The following MAPK10 variants were observed in gnomAD, a reference collection of about 807,000 sequenced individuals.
MAPK10 encodes the protein JNK3 alpha protein kinase.
A neutral mutation model predicts 59.3 loss-of-function variants in MAPK10; 25 were observed. The observed-to-expected ratio is 0.42, with a 90% CI of 0.31 to 0.59. MAPK10 has a LOEUF of 0.59. Ranked by LOEUF, MAPK10 falls within the 20% of genes least tolerant of loss-of-function variation. The probability of loss-of-function intolerance (pLI) is 0.15; values close to 1 mark genes in which losing one functional copy is unlikely to be tolerated. For synonymous variants in MAPK10, 190 were observed against 200.5 expected, an observed-to-expected ratio of 0.95 and a Z score of 0.44; for missense variants, 351 against 568.9, an observed-to-expected ratio of 0.62 and a Z score of 3.90.
chr4:86,142,187 C>T (rs1179010581), intron 4 of MAPK10, among the ~76,000 whole-genome samples: 1 of 152,188 alleles, frequency 6.6e-6, no homozygotes, highest in Non-Finnish European at 1.5e-5. Flanking sequence ...CAAATTTCAA[C>T]ATGAGTTTTG....
intron 9 of MAPK10, among the ~76,000 whole-genome samples, chr4:86,085,299 G>A (rs2051544857): frequency 6.6e-6 from 1 of 152,048 alleles, no homozygotes; most frequent in South Asian, 2.1e-4. Context: ...AATCAACAAA[G>A]TGAAGAGACA....
intron 4 of MAPK10, among the ~76,000 whole-genome samples, chr4:86,158,213 T>C (rs984901114): frequency 6.6e-6 from 1 of 151,832 alleles, no homozygotes; most frequent in East Asian, 1.9e-4. Context: ...TTATCACAAC[T>C]GCAAGGAATT....
chr4:86,437,015 A>G (rs894280312), intron 1 of MAPK10, among the ~76,000 whole-genome samples: 3 of 152,070 alleles, frequency 2.0e-5, no homozygotes, highest in Admixed American at 2.0e-4. Flanking sequence ...GATCGAGACC[A>G]TCCTGGCTAA....
chr4:86,576,616 T>C (rs1761912926), intron 1 of MAPK10, among the ~76,000 whole-genome samples: 1 of 149,100 alleles, frequency 6.7e-6, no homozygotes, highest in Non-Finnish European at 1.5e-5. Context: ...CTACTAAAAA[T>C]ACAAAAAATT....
rs1744146797 is a variant in MAPK10 at position 86,017,868 on chromosome 4, G to A, written c.1253-498C>T. 6.6e-6 allele frequency among the ~76,000 whole-genome samples: 1 copy of A among 152,030 alleles called. No individual in the cohort carries two copies. Among genetic ancestry groups the A allele is most frequent in the Non-Finnish European group, 1.5e-5 (1 of 67,994 alleles). ...CTCCCGAGTAGCTGGGAGTACAGGT[G>A]CGCACCACCACACCCAGCTAATTTT... On this transcript the variant is annotated intron_variant, in intron 13 of 13. Transcript: ENST00000641462. The surrounding 1 kb of genome is among the most constrained non-coding windows in gnomAD (Gnocchi z 4.4).
chr4:86,192,571 G>A (rs887345627), intron 3 of MAPK10: 1 of 151,738 alleles, frequency 6.6e-6, no homozygotes, highest in Non-Finnish European at 1.5e-5. Flanking sequence ...TTTGGCTATT[G>A]ATACTTGTGT....
chr4:86,360,865 T>TA (rs887143026), upstream of MAPK10, among the ~76,000 whole-genome samples: 20 of 151,716 alleles, frequency 1.3e-4, 1 homozygote, highest in South Asian at 2.3e-3. Context: ...ACTTGCACTA[T>TA]AAAAAAAAAT....
chr4:86,394,712 G>A (rs79663076), intron 1 of MAPK10, among the ~76,000 whole-genome samples: 1,547 of 152,262 alleles, frequency 0.01, 30 homozygotes, highest in African/African-American at 0.035. Flanking sequence ...ATTTTAGCAT[G>A]CTTTCTATCT....
chr4:86,149,998 G>T (rs746111923), intron 4 of MAPK10, among the ~76,000 whole-genome samples: 11 of 151,806 alleles, frequency 7.2e-5, no homozygotes, highest in South Asian at 6.2e-4. Context: ...TTACAGAAAA[G>T]TAAAAAAAAA....
At chr4:86,517,335 G>A (rs1478037990) in intron 1 of MAPK10, among the ~76,000 whole-genome samples, 1 of 144,444 alleles carries the variant, frequency 6.9e-6, no homozygotes. Context: ...GAGTGCAGTG[G>A]TGCAATCTCG....
chr4:86,426,714 C>T (rs1747328976), intron 1 of MAPK10, among the ~76,000 whole-genome samples: 2 of 152,130 alleles, frequency 1.3e-5, no homozygotes, highest in Non-Finnish European at 1.5e-5. Flanking sequence ...TCTGTTCCTA[C>T]GTCCTGGAAT....
In MAPK10 at chr4:86,294,713, T is replaced by A. The variant is rs543072921; in HGVS notation, c.-7+59817A>T. On this transcript the variant is annotated intron_variant, in intron 2 of 13. Coordinates refer to ENST00000641462, the MANE Select transcript of MAPK10 (RefSeq NM_138982.4). ...AGCCTAACAAAGCTCAGTGGTCTCA[T>A]GGCTTCAGCAAGGTGAGGAGAGGAG... is the stretch of plus-strand genomic sequence containing the variant. Among the ~76,000 whole-genome samples, 6 of 152,254 alleles carry A rather than the reference T, an allele frequency of 3.9e-5. No homozygotes were observed. In the East Asian group the frequency reaches 1.2e-3, roughly 29 times the overall value.
intron 1 of MAPK10, among the ~76,000 whole-genome samples, chr4:86,571,327 C>CGTGTGTGTGTGTGTGT (rs34133535): frequency 7.2e-6 from 1 of 139,646 alleles, no homozygotes; most frequent in Non-Finnish European, 1.6e-5. Flanking sequence ...TATATATATA[C>CGTGTGTGTGTGTGTGT]GTGTGTGTGT....
chr4:86,124,494 G>A (rs2059763829), intron 4 of MAPK10: 1 of 151,556 alleles, frequency 6.6e-6, no homozygotes, highest in Non-Finnish European at 1.5e-5. Flanking sequence ...AATTTACTTG[G>A]AAATGTTTAA....
chr4:86,289,256 G>T (rs1484320411), intron 2 of MAPK10, among the ~76,000 whole-genome samples: 1 of 152,156 alleles, frequency 6.6e-6, no homozygotes, highest in African/African-American at 2.4e-5. Flanking sequence ...TTGAGATGAG[G>T]CAGAAAAGGT....
At chr4:86,576,667 T>C (rs764228245) in intron 1 of MAPK10, among the ~76,000 whole-genome samples, 10 of 151,240 alleles carry the variant, frequency 6.6e-5, no homozygotes, top group African/African-American at 9.7e-5. Flanking sequence ...CCAGCTAACT[T>C]GGGAGGCTGA....
intron 2 of MAPK10, chr4:86,327,375 G>C (rs2096051077): frequency 6.6e-6 from 1 of 151,478 alleles, no homozygotes; most frequent in Non-Finnish European, 1.5e-5. Flanking sequence ...TTTTAGCACA[G>C]ATTATCTCAC....
intron 4 of MAPK10, among the ~76,000 whole-genome samples, chr4:86,128,079 G>C (rs947945735): frequency 6.6e-6 from 1 of 151,886 alleles, no homozygotes; most frequent in African/African-American, 2.4e-5. Flanking sequence ...AAAAACCATG[G>C]GTTTCTAAGT....
chr4:86,221,541 C>T (rs181489797), intron 2 of MAPK10, among the ~76,000 whole-genome samples: 5 of 151,962 alleles, frequency 3.3e-5, no homozygotes, highest in Non-Finnish European at 7.4e-5. Context: ...GGCAGGAGTT[C>T]AGTGGGGTGA....
Sources: gnomAD v4.1 joint callset for allele counts (sites outside exome capture counted in the v4.1 genomes callset) on GRCh38, gnomAD v4.1.1 for gene constraint, Gnocchi (gnomAD v3.1) non-coding constraint, MANE v1.5 for transcripts, NCBI Gene and HGNC (gene_info 2026-07-23, HGNC 2026-07-21) for gene names.